Variants in TBCA observed in about 807,000 individuals in gnomAD.
The protein encoded by TBCA is tubulin folding cofactor A.
In TBCA, 6 loss-of-function variants were observed where a neutral mutation model predicts 15.8. The observed-to-expected ratio is 0.38, with a 90% confidence interval of 0.21 to 0.75. The LOEUF (loss-of-function observed/expected upper bound fraction) is 0.75, where lower values mean the gene tolerates loss of function less well. Ranked by LOEUF, TBCA falls within the 30% of genes least tolerant of loss-of-function variation. The pLI is 0.46. For synonymous variants in TBCA, 32 were observed against 42.3 expected, an observed-to-expected ratio of 0.76 and a Z score of 0.94; for missense variants, 90 against 131.2, an observed-to-expected ratio of 0.69 and a Z score of 1.53.
At chr5:77,744,087 CATTTT>C (rs1368670472) in intron 1 of TBCA, among the ~76,000 whole-genome samples, 2 of 152,186 alleles carry the variant, frequency 1.3e-5, no homozygotes, top group African/African-American at 4.8e-5. Context: ...CCATCACATA[CATTTT>C]ATTGCCTCCC....
In TBCA at chr5:77,708,982, CTT is replaced by C. The variant is rs35555938; in HGVS notation, c.54-637_54-636del. 4.6e-3 allele frequency among the ~76,000 whole-genome samples: 657 copies of C among 141,328 alleles called. 6 individuals are homozygous for C. Among genetic ancestry groups the C allele is most frequent in the Middle Eastern group, 0.016 (4 of 258 alleles). The allele number at this position is 141,328 out of a possible 152,430, so 92.7% of individuals were successfully genotyped here. A position where few individuals can be genotyped will look rare whatever the true frequency, so the allele number is the denominator to read the frequency against. ...TACCAATATATATTAATACAACTGTCTTTTTTTTTTTTTTTTTAAATATGTCT... is the reference window on the plus strand; with the variant it reads ...TACCAATATATATTAATACAACTGTCTTTTTTTTTTTTTTTAAATATGTCT... On this transcript the variant is annotated intron_variant, in intron 1 of 3. Coordinates refer to ENST00000380377, the MANE Select transcript of TBCA (RefSeq NM_004607.3).
At chr5:77,713,169 C>T (rs1321399920) in intron 1 of TBCA, among the ~76,000 whole-genome samples, 1 of 151,986 alleles carries the variant, frequency 6.6e-6, no homozygotes, top group African/African-American at 2.4e-5. Flanking sequence ...GGTGGCATGC[C>T]TTTGTAGTTC....
At chr5:77,728,957 T>G (rs1156585262) in intron 1 of TBCA, among the ~76,000 whole-genome samples, 1 of 152,096 alleles carries the variant, frequency 6.6e-6, no homozygotes, top group Non-Finnish European at 1.5e-5. Flanking sequence ...AGAATAACAT[T>G]GATTAATGAG....
intron 1 of TBCA, among the ~76,000 whole-genome samples, 194 bp downstream of exon 1, chr5:77,776,011 G>A (rs352575): frequency 0.44 from 66,672 of 152,030 alleles, 14,853 homozygotes; most frequent in East Asian, 0.53. Flanking sequence ...GGGAAGCGGC[G>A]TGCGAGGCTG....
At chr5:77,700,043 A>AAAG (rs1282213667) in intron 2 of TBCA, among the ~76,000 whole-genome samples, 1 of 150,486 alleles carries the variant, frequency 6.6e-6, no homozygotes, top group Non-Finnish European at 1.5e-5. Flanking sequence ...AAAAAAAAAA[A>AAAG]AAAAAAAGAA....
At chr5:77,760,406 T>TTCCTCCTTTCCTCTCCTTTCCTC (rs1747588078) in intron 1 of TBCA, among the ~76,000 whole-genome samples, 1 of 152,014 alleles carries the variant, frequency 6.6e-6, no homozygotes, top group Admixed American at 6.5e-5. Flanking sequence ...TTCCTTTCCT[T>TTCCTCCTTTCCTCTCCTTTCCTC]TCCTCCTTTC....
intron 1 of TBCA, among the ~76,000 whole-genome samples, chr5:77,741,761 G>T (rs1561277046): frequency 6.6e-6 from 1 of 152,092 alleles, no homozygotes; most frequent in Admixed American, 6.5e-5. Context: ...AAGTTGGCTT[G>T]AGTTTAGAGT....
At chr5:77,696,812 A>C (rs1276524325) in intron 2 of TBCA, among the ~76,000 whole-genome samples, 3 of 152,118 alleles carry the variant, frequency 2.0e-5, no homozygotes, top group Non-Finnish European at 4.4e-5. Flanking sequence ...TAGCTACTCA[A>C]GAGGCTGAGG....
intron 1 of TBCA, 113 bp downstream of exon 1, chr5:77,776,092 G>T: frequency 7.4e-7 from 1 of 1,357,240 alleles, no homozygotes; most frequent in Non-Finnish European, 1.0e-6. Flanking sequence ...CCCGGGTGCG[G>T]CCTGGAGTTC....
intron 1 of TBCA, among the ~76,000 whole-genome samples, chr5:77,739,390 A>G (rs1480409146): frequency 2.6e-5 from 4 of 152,154 alleles, no homozygotes; most frequent in South Asian, 2.1e-4. Flanking sequence ...GAACCTAGGA[A>G]GCAGAGGTTG....
At chr5:77,729,797 T>C (rs1746721185) in intron 1 of TBCA, among the ~76,000 whole-genome samples, 1 of 152,190 alleles carries the variant, frequency 6.6e-6, no homozygotes, top group African/African-American at 2.4e-5. Context: ...CAATCTTCCT[T>C]CATGTTAGTT....
chr5:77,691,636 T>C lies in TBCA; in HGVS notation c.247-138A>G, dbSNP rs573532599. 42 of 1,402,620 alleles carry C rather than the reference T, an allele frequency of 3.0e-5. 1 individual carries two copies. The African/African-American group carries it at 5.8e-4, about 19-fold the overall frequency. The allele number at this position is 1,402,620 out of a possible 1,614,324, so 86.9% of individuals were successfully genotyped here. On this transcript the variant is annotated intron_variant, in intron 3 of 3. Coordinates refer to ENST00000380377, the MANE Select transcript of TBCA (RefSeq NM_004607.3). ...AAATCCCAAGCCTCATCTAAATATA[T>C]TGTAATTCCACAGGTTTCCCACATT...
chr5:77,757,092 A>G (rs960287933), intron 1 of TBCA, among the ~76,000 whole-genome samples: 16 of 152,196 alleles, frequency 1.1e-4, no homozygotes, highest in African/African-American at 3.9e-4. Flanking sequence ...ATTTTAGCCA[A>G]TTCAGAGGCT....
intron 1 of TBCA, among the ~76,000 whole-genome samples, chr5:77,729,458 A>G (rs547071281): frequency 1.3e-5 from 2 of 152,292 alleles, no homozygotes; most frequent in African/African-American, 2.4e-5. Context: ...ACCAGAAAAA[A>G]AGAGAATTAG....
intron 1 of TBCA, among the ~76,000 whole-genome samples, chr5:77,762,747 C>A (rs1747670622): frequency 6.6e-6 from 1 of 152,158 alleles, no homozygotes; most frequent in African/African-American, 2.4e-5. Context: ...ACTCTCCACA[C>A]ACCCTTAACT....
intron 3 of TBCA, 200 bp from the exon 4 acceptor site, chr5:77,691,698 GT>G: frequency 1.5e-6 from 2 of 1,318,330 alleles, no homozygotes; most frequent in Non-Finnish European, 1.9e-6. Flanking sequence ...GAAATAACTG[GT>G]GGTTTTGTTT....
chr5:77,698,544 G>A (rs1012184065), intron 2 of TBCA, among the ~76,000 whole-genome samples: 1 of 152,030 alleles, frequency 6.6e-6, no homozygotes, highest in African/African-American at 2.4e-5. Flanking sequence ...GAGCTCTCCA[G>A]GCCCAGATAA....
At chr5:77,695,194 A>AT (rs1247055452) in intron 2 of TBCA, among the ~76,000 whole-genome samples, 1 of 152,330 alleles carries the variant, frequency 6.6e-6, no homozygotes, top group African/African-American at 2.4e-5. Flanking sequence ...ACTTTAGACA[A>AT]TGCCATCCAA....
At position 77,693,415 on chromosome 5, in the gene TBCA, T is replaced by A. The variant is rs530695619; in HGVS notation, c.160-63A>T. 2.8e-5 allele frequency: 43 copies of A among 1,545,692 alleles called. No individual in the cohort carries two copies. The African/African-American group carries it at 5.6e-4, about 20-fold the overall frequency. On this transcript the variant is annotated intron_variant, in intron 2 of 3. Transcript: ENST00000380377. ...AGAACTTGTAGGTGTTTAGCTCATA[T>A]CTTGGTAAGTATATCCTTATTAAGA...
Sources: allele counts gnomAD v4.1 joint callset (sites outside exome capture counted in the v4.1 genomes callset), GRCh38; gene constraint gnomAD v4.1.1; transcripts MANE v1.5; gene names NCBI Gene and HGNC (gene_info 2026-07-23, HGNC 2026-07-21).